NCAM2: variants seen among roughly 807,000 people sequenced by gnomAD.
The protein encoded by NCAM2 is neural cell adhesion molecule 2.
A neutral mutation model predicts 98.1 loss-of-function variants in NCAM2; 30 were observed. That is an observed-to-expected ratio of 0.31 (90% CI 0.23 to 0.41). The LOEUF (loss-of-function observed/expected upper bound fraction) is 0.41. Among genes scored for constraint, NCAM2 ranks in the 10% least tolerant of loss-of-function variants. The pLI is 1.00. For missense variants in NCAM2, 867 were observed against 1,005.8 expected (o/e 0.86, Z 1.87); for synonymous variants, 368 against 342.4 (o/e 1.07, Z -0.83).
At chr21:21,055,200 TATA>T (rs1013777932) in intron 1 of NCAM2, among the ~76,000 whole-genome samples, 27 of 151,816 alleles carry the variant, frequency 1.8e-4, no homozygotes, top group African/African-American at 6.0e-4. Flanking sequence ...GAACTTAAAG[TATA>T]ATAATAATAA....
intron 10 of NCAM2, among the ~76,000 whole-genome samples, chr21:21,415,634 C>T (rs1222602952): frequency 2.0e-5 from 3 of 152,124 alleles, no homozygotes; most frequent in Admixed American, 1.3e-4. Flanking sequence ...CTCGCCCGGC[C>T]CTTAGCTTGA....
intron 1 of NCAM2, among the ~76,000 whole-genome samples, chr21:21,270,630 C>A (rs2072460282): frequency 1.3e-5 from 2 of 152,262 alleles, no homozygotes; most frequent in South Asian, 2.1e-4. Context: ...TTAATTCATA[C>A]AATGCGTTTT....
chr21:21,478,064 A>G (rs1018505576), intron 15 of NCAM2, among the ~76,000 whole-genome samples: 2 of 152,182 alleles, frequency 1.3e-5, no homozygotes, highest in African/African-American at 4.8e-5. Context: ...CAGTGCTTAC[A>G]TTGTTACATC....
chr21:21,176,049 G>A (rs1209103807), intron 1 of NCAM2, among the ~76,000 whole-genome samples: 1 of 152,152 alleles, frequency 6.6e-6, no homozygotes, highest in Non-Finnish European at 1.5e-5. Context: ...TGTTCTGTGA[G>A]TTACCAAGAA....
At chr21:21,449,074 ACTTAT>A (rs1980622171) in intron 12 of NCAM2, among the ~76,000 whole-genome samples, 1 of 152,048 alleles carries the variant, frequency 6.6e-6, no homozygotes, top group Admixed American at 6.6e-5. Flanking sequence ...AAACCTCCTC[ACTTAT>A]CTTAAGATGA....
At chr21:21,195,661 A>G (rs1175558783) in intron 1 of NCAM2, among the ~76,000 whole-genome samples, 1 of 152,238 alleles carries the variant, frequency 6.6e-6, no homozygotes, top group Non-Finnish European at 1.5e-5. Flanking sequence ...GTAGAAAAGG[A>G]TAAGAAAATG....
chr21:21,512,862 T>G (rs999082020), intron 16 of NCAM2, among the ~76,000 whole-genome samples: 3 of 152,082 alleles, frequency 2.0e-5, no homozygotes, highest in Non-Finnish European at 4.4e-5. Flanking sequence ...ATGGGATTAC[T>G]TTATTGGTTT....
intron 1 of NCAM2, among the ~76,000 whole-genome samples, chr21:21,122,698 G>T (rs1040775241): frequency 6.6e-6 from 1 of 152,146 alleles, no homozygotes; most frequent in African/African-American, 2.4e-5. Flanking sequence ...CACCAAGGTA[G>T]CCCTGTGTTT....
At chr21:21,226,678 G>A (rs2070396542) in intron 1 of NCAM2, 1 of 152,084 alleles carries the variant, frequency 6.6e-6, no homozygotes, top group Non-Finnish European at 1.5e-5. Context: ...CTGTATCTGT[G>A]ATTGTTATTC....
chr21:21,391,813 C>A (rs111840992), intron 9 of NCAM2, among the ~76,000 whole-genome samples: 406 of 1,020 alleles, frequency 0.4, no homozygotes, highest in African/African-American at 0.47. Context: ...TGGTTAGGTA[C>A]AAGTTATTTT....
intron 8 of NCAM2, among the ~76,000 whole-genome samples, chr21:21,350,322 A>G (rs900277012): frequency 6.6e-6 from 1 of 152,220 alleles, no homozygotes; most frequent in Non-Finnish European, 1.5e-5. Context: ...ATCTTCAATG[A>G]TAATGGGTTA....
At chr21:21,403,492 CCACAAACTCT>C (rs2145882176) in intron 9 of NCAM2, among the ~76,000 whole-genome samples, 1 of 152,238 alleles carries the variant, frequency 6.6e-6, no homozygotes, top group Non-Finnish European at 1.5e-5. Flanking sequence ...TCTTTTTCCT[CCACAAACTCT>C]CAATGTGCCA....
At chr21:21,150,807 T>C (rs948152707) in intron 1 of NCAM2, among the ~76,000 whole-genome samples, 2 of 151,882 alleles carry the variant, frequency 1.3e-5, no homozygotes, top group African/African-American at 4.8e-5. Flanking sequence ...ATAATGATAT[T>C]TTTATAAAAT....
chr21:21,032,936 C>A (rs13052425), intron 1 of NCAM2, among the ~76,000 whole-genome samples: 23,827 of 69,178 alleles, frequency 0.34, 2,340 homozygotes, highest in East Asian at 0.53. Flanking sequence ...TGGTTTCTTT[C>A]TTTCTTTCTT....
chr21:21,206,160 C>T (rs1334438556), intron 1 of NCAM2, among the ~76,000 whole-genome samples: 3 of 151,974 alleles, frequency 2.0e-5, no homozygotes, highest in South Asian at 2.1e-4. Context: ...TTCAGAGTAG[C>T]GTGTGGGAGA....
At chr21:21,061,686 AATTG>A (rs1185536155) in intron 1 of NCAM2, among the ~76,000 whole-genome samples, 1 of 152,164 alleles carries the variant, frequency 6.6e-6, no homozygotes, top group Non-Finnish European at 1.5e-5. Flanking sequence ...AATGTTTTGA[AATTG>A]ATTGAATATT....
chr21:21,200,150 G>C (rs909454621), intron 1 of NCAM2, among the ~76,000 whole-genome samples: 1 of 151,978 alleles, frequency 6.6e-6, no homozygotes, highest in African/African-American at 2.4e-5. Context: ...GTTAAGATGG[G>C]ACTAACTCAG....
chr21:21,367,141 C>A (rs911077228), intron 8 of NCAM2, among the ~76,000 whole-genome samples: 5 of 151,960 alleles, frequency 3.3e-5, no homozygotes, highest in Admixed American at 6.6e-5. Flanking sequence ...TTTCAGATTT[C>A]TCTTTGCGGT....
intron 1 of NCAM2, among the ~76,000 whole-genome samples, chr21:21,108,605 A>G (rs1238102275): frequency 1.3e-5 from 2 of 152,114 alleles, no homozygotes; most frequent in African/African-American, 4.8e-5. Flanking sequence ...AAAATCCTAC[A>G]TTAGATGGAT....
Sources: allele counts gnomAD v4.1 joint callset (sites outside exome capture counted in the v4.1 genomes callset), GRCh38; gene constraint gnomAD v4.1.1; transcripts MANE v1.5; gene names NCBI Gene and HGNC (gene_info 2026-07-23, HGNC 2026-07-21).